Variants in ELFN2 observed in about 807,000 individuals in gnomAD.
ELFN2 encodes protein phosphatase 1 regulatory subunit 29.
ELFN2 carries 17 observed loss-of-function variants against 45.5 expected under a neutral mutation model. That is an observed-to-expected ratio of 0.37 (90% CI 0.26 to 0.56). The LOEUF (loss-of-function observed/expected upper bound fraction) is 0.56. Among genes scored for constraint, ELFN2 ranks in the 20% least tolerant of loss-of-function variants. ELFN2 has a pLI of 0.77. For synonymous variants in ELFN2, 550 were observed against 551.5 expected (o/e 1.00, Z 0.04); for missense variants, 922 against 1,183.2 (o/e 0.78, Z 3.24).
chr22:37,406,411 C>T (rs1932501360), intron 2 of ELFN2, among the ~76,000 whole-genome samples: 1 of 152,166 alleles, frequency 6.6e-6, no homozygotes, highest in African/African-American at 2.4e-5. Context: ...CTGCACATCT[C>T]GGGATTCACC....
chr22:37,411,033 G>T (rs1487405976), intron 2 of ELFN2, among the ~76,000 whole-genome samples: 1 of 152,208 alleles, frequency 6.6e-6, no homozygotes, highest in Non-Finnish European at 1.5e-5. Context: ...AAGAAGCCCA[G>T]TGCTAGCATT....
rs372565071 is a variant in ELFN2, at chr22:37,374,716, C to T, written c.819G>A (p.Ser273=). Residue 273 remains serine, a synonymous_variant, in exon 3 of 3, where the codon TCG becomes TCA. Coordinates refer to ENST00000402918, the MANE Select transcript of ELFN2 (RefSeq NM_052906.5). ...AAAGGATCTCGTCGGGGTTGAAGCCCGAGTTCTCGTCTGGCTCCCTCTGGG... is the reference window on the plus strand; with the variant it reads ...AAAGGATCTCGTCGGGGTTGAAGCCTGAGTTCTCGTCTGGCTCCCTCTGGG... ...TDAQREPDEN[S]GFNPDEILSV... 1.9e-6 allele frequency: 3 copies of T among 1,611,704 alleles called. No individual in the cohort carries two copies. Among genetic ancestry groups the T allele is most frequent in the Middle Eastern group, 1.7e-4 (1 of 6,052 alleles).
At chr22:37,356,219 G>T (rs1930946557) in intron 1 of ELFN2, among the ~76,000 whole-genome samples, 1 of 152,172 alleles carries the variant, frequency 6.6e-6, no homozygotes, top group Admixed American at 6.5e-5. Flanking sequence ...ACTAGAGGCT[G>T]CTGGGCGCTT....
At chr22:37,392,177 C>T (rs761694101) in intron 2 of ELFN2, among the ~76,000 whole-genome samples, 9 of 152,224 alleles carry the variant, frequency 5.9e-5, no homozygotes, top group Non-Finnish European at 1.2e-4. Context: ...TCTCTGCCCC[C>T]GTCTCTAAAA....
chr22:37,364,203 AG>A (rs1931151273), downstream of ELFN2, among the ~76,000 whole-genome samples: 1 of 152,104 alleles, frequency 6.6e-6, no homozygotes, highest in Non-Finnish European at 1.5e-5. Context: ...TCCTGGAAAA[AG>A]GGGCTTGCAG....
intron 1 of ELFN2, among the ~76,000 whole-genome samples, chr22:37,349,413 C>G (rs1229671305): frequency 6.6e-6 from 1 of 151,362 alleles, no homozygotes; most frequent in African/African-American, 2.4e-5. Context: ...TGGGGCAGCC[C>G]GGCCTACTTC....
rs554018078 is a variant in ELFN2 at position 37,353,998 on chromosome 22, C to A, written n.149-11295G>T. On this transcript the variant is annotated intron_variant and non_coding_transcript_variant, in intron 1 of 2. Coordinates refer to ENST00000452946, the Ensembl canonical transcript of ELFN2. ...CAGCTTTCTTCATCATCTTGCCAAA[C>A]GGGAAACGACCCAAATGTCCATCAA... 5 of 152,302 alleles carry A rather than the reference C, an allele frequency of 3.3e-5. 1 individual carries two copies. The highest frequency in any genetic ancestry group is 7.3e-5 in the Non-Finnish European group (5 of 68,028). 9.4% of individuals were successfully genotyped at this position (152,302 alleles called of 1,614,324 possible).
chr22:37,388,223 G>T (rs1477788488), intron 2 of ELFN2, among the ~76,000 whole-genome samples: 2 of 152,038 alleles, frequency 1.3e-5, no homozygotes, highest in African/African-American at 4.8e-5. Context: ...AGCATCCAGA[G>T]CCCAGCCCAC....
At chr22:37,396,958 G>A (rs1441239178) in intron 2 of ELFN2, among the ~76,000 whole-genome samples, 3 of 152,238 alleles carry the variant, frequency 2.0e-5, no homozygotes, top group South Asian at 4.1e-4. Flanking sequence ...TCCAGGCAGA[G>A]GGAGGCTTCC....
At chr22:37,395,333 G>A (rs1015437882) in intron 2 of ELFN2, among the ~76,000 whole-genome samples, 5 of 151,952 alleles carry the variant, frequency 3.3e-5, no homozygotes, top group South Asian at 2.1e-4. Flanking sequence ...CCGACCACAC[G>A]CCAGACCCAA....
rs370605014 is a variant in ELFN2, at chr22:37,369,464, G to A, written c.*3608C>T. 3.9e-5 allele frequency: 6 copies of A among 152,352 alleles called. No individual in the cohort carries two copies. The highest frequency in any genetic ancestry group is 4.1e-4 in the South Asian group (2 of 4,832). The allele number at this position is 152,352 out of a possible 1,614,324, so 9.4% of individuals were successfully genotyped here. A position where few individuals can be genotyped will look rare whatever the true frequency, so the allele number is the denominator to read the frequency against. On this transcript the variant is annotated 3_prime_UTR_variant, in exon 3 of 3. Transcript: ENST00000402918. ...GGCCTCCTGCACTGCCTCAGGAGGG[G>A]AGCCCAGGTGAGGGATTCTTTGGTG...
chr22:37,380,234 C>A (rs1931713872), intron 2 of ELFN2, among the ~76,000 whole-genome samples: 1 of 152,168 alleles, frequency 6.6e-6, no homozygotes, highest in Admixed American at 6.5e-5. Context: ...AGAGGGTGAA[C>A]AGAGCGAGGC....
chr22:37,407,402 C>T (rs889921468), intron 2 of ELFN2, among the ~76,000 whole-genome samples: 3 of 152,174 alleles, frequency 2.0e-5, no homozygotes, highest in Admixed American at 6.5e-5. Context: ...CAGGCACATT[C>T]GTGAACAAGA....
At chr22:37,386,528 T>G (rs527582673) in intron 2 of ELFN2, among the ~76,000 whole-genome samples, 2 of 152,148 alleles carry the variant, frequency 1.3e-5, no homozygotes, top group South Asian at 4.2e-4. Flanking sequence ...CCAGCTGGGG[T>G]GGCCCAAATT....
intron 1 of ELFN2, among the ~76,000 whole-genome samples, chr22:37,357,982 G>A (rs558345183): frequency 1.3e-5 from 2 of 152,248 alleles, no homozygotes; most frequent in Non-Finnish European, 2.9e-5. Flanking sequence ...AGGAGAAAAA[G>A]CCCCATTTTC....
In ELFN2 at chr22:37,374,408, G is replaced by C. The variant is rs554071053; in HGVS notation, c.1127C>G (p.Thr376Ser). 1 of 1,613,956 alleles carries C rather than the reference G, an allele frequency of 6.2e-7. No individual in the cohort carries two copies. Among genetic ancestry groups the C allele is most frequent in the East Asian group, 2.2e-5 (1 of 44,882 alleles). Residue 376 changes from threonine to serine, a missense_variant, in exon 3 of 3, where the codon ACC becomes AGC. Thr to Ser is a moderately conservative substitution (Grantham distance 58). Around this residue, in one of 2 missense-constraint regions of ELFN2, gnomAD observed 358 missense variants for 540.4 expected, o/e 0.66. Coordinates refer to ENST00000402918, the MANE Select transcript of ELFN2 (RefSeq NM_052906.5). Reference sequence around the variant, plus strand: ...GGGGACGGGGTCCCGCGTGGTGAAGGTCAGGCAGGTGTGGTTGAAGCGGCG... The same window carrying C: ...GGGGACGGGGTCCCGCGTGGTGAAGCTCAGGCAGGTGTGGTTGAAGCGGCG... ...NSRRFNHTCL[T>S]FTTRDPVPGD... is the part of the protein sequence containing the mutation.
At chr22:37,423,883 C>T (rs1407880109) in intron 1 of ELFN2, among the ~76,000 whole-genome samples, 1 of 152,096 alleles carries the variant, frequency 6.6e-6, no homozygotes, top group African/African-American at 2.4e-5. Flanking sequence ...ACACCATCTC[C>T]AGTAATAATG....
At chr22:37,380,415 C>CGA (rs1271783900) in intron 2 of ELFN2, among the ~76,000 whole-genome samples, 1 of 152,176 alleles carries the variant, frequency 6.6e-6, no homozygotes, top group Non-Finnish European at 1.5e-5. Context: ...GAGACACACA[C>CGA]GCTCAGTCCA....
intron 1 of ELFN2, among the ~76,000 whole-genome samples, chr22:37,345,526 GT>G (rs1014967707): frequency 3.4e-5 from 5 of 147,858 alleles, no homozygotes; most frequent in Non-Finnish European, 7.4e-5. Context: ...TGTCCTCCTT[GT>G]TTTTTGTTTT....
Sources: allele counts gnomAD v4.1 joint callset (sites outside exome capture counted in the v4.1 genomes callset), GRCh38; gene constraint gnomAD v4.1.1; regional missense constraint gnomAD v4.1.1; transcripts MANE v1.5; gene names NCBI Gene and HGNC (gene_info 2026-07-23, HGNC 2026-07-21).